Variants in PSD3 observed in about 807,000 individuals in gnomAD.
PSD3 encodes the protein PH and SEC7 domain-containing protein 3.
Under a neutral mutation model 105.5 loss-of-function variants are expected in PSD3, and 49 were observed. That is an observed-to-expected ratio of 0.46 (90% CI 0.37 to 0.59). The LOEUF (loss-of-function observed/expected upper bound fraction) is 0.59. Ranked by LOEUF, PSD3 falls within the 20% of genes least tolerant of loss-of-function variation. The probability of loss-of-function intolerance (pLI) is 0.00; values close to 1 mark genes in which losing one functional copy is unlikely to be tolerated. For synonymous variants in PSD3, 557 were observed against 457.8 expected, an observed-to-expected ratio of 1.22 and a Z score of -2.77; for missense variants, 1,561 against 1,263.8, an observed-to-expected ratio of 1.24 and a Z score of -3.57.
intron 9 of PSD3, among the ~76,000 whole-genome samples, chr8:18,764,150 A>G (rs1346413052): frequency 6.6e-6 from 1 of 152,170 alleles, no homozygotes; most frequent in Non-Finnish European, 1.5e-5. Context: ...AAGCTTCACT[A>G]TGAAAATTTT....
intron 1 of PSD3, among the ~76,000 whole-genome samples, chr8:18,937,303 C>G (rs1260546670): frequency 1.3e-5 from 2 of 152,244 alleles, no homozygotes; most frequent in Non-Finnish European, 1.5e-5. Context: ...ATCACCGGTA[C>G]TGGTTTCTAC....
In PSD3 at chr8:18,872,038, GA is replaced by G; in HGVS notation, c.825del (p.Arg278GlufsTer43). 6.2e-7 allele frequency: 1 copy of G among 1,614,130 alleles called. No individual in the cohort carries two copies. The highest frequency in any genetic ancestry group is 8.5e-7 in the Non-Finnish European group (1 of 1,180,024). On this transcript the variant is annotated frameshift_variant, in exon 3 of 16. Transcript: ENST00000327040. LOFTEE classifies it high-confidence loss of function. ...CATCCCCCTGGGTGCTCTCTCCCAA[GA>G]GCAGACCTCTGCTCTTTCAAGAAAC... ...SVGFLKEQRSALGREHPGGCD... is the reference protein window; with the variant it reads ...SVGFLKEQRSXLGREHPGGCD...
intron 15 of PSD3, among the ~76,000 whole-genome samples, chr8:18,548,225 A>G (rs56941226): frequency 0.051 from 7,760 of 152,206 alleles, 305 homozygotes; most frequent in African/African-American, 0.12. Context: ...TGAGGAATCA[A>G]TGAACTCTTG....
Position 19,037,771 on chromosome 8 carries a change from A to G in PSD3, c.324+46435T>C, listed in dbSNP as rs10095933. ...TGCATCATGGGTTCCTGATTCTCAG[A>G]CCTTCGGACTTGGACTGAATTATAC... is the stretch of plus-strand genomic sequence containing the variant. On this transcript the variant is annotated intron_variant, in intron 1 of 1. Coordinates refer to the PSD3 transcript ENST00000521475. Among the ~76,000 whole-genome samples, 760 of 152,094 alleles carry G rather than the reference A, an allele frequency of 5.0e-3. 9 individuals are homozygous for G. Among genetic ancestry groups the G allele is most frequent in the African/African-American group, 0.018 (736 of 41,480 alleles).
At chr8:18,933,192 A>G (rs1821857089) in intron 2 of PSD3, among the ~76,000 whole-genome samples, 1 of 152,194 alleles carries the variant, frequency 6.6e-6, no homozygotes, top group African/African-American at 2.4e-5. Context: ...ACCAAGGCAA[A>G]TAAGAAACAA....
intron 1 of PSD3, among the ~76,000 whole-genome samples, chr8:18,947,411 A>C (rs1443233828): frequency 6.6e-6 from 1 of 152,204 alleles, no homozygotes; most frequent in Non-Finnish European, 1.5e-5. Flanking sequence ...GGCCTTGTTA[A>C]AAGCCCCTGG....
chr8:18,989,752 C>A (rs1267983695), intron 1 of PSD3, among the ~76,000 whole-genome samples: 3 of 152,190 alleles, frequency 2.0e-5, no homozygotes, highest in African/African-American at 7.2e-5. Context: ...AAGAGCCACC[C>A]TGCAAGTGGG....
intron 9 of PSD3, among the ~76,000 whole-genome samples, chr8:18,741,960 T>C (rs1329480412): frequency 6.6e-5 from 10 of 152,192 alleles, no homozygotes; most frequent in Admixed American, 6.5e-4. Context: ...CAGTAATGTA[T>C]ACTTAAACGA....
chr8:18,803,624 C>G (rs1442866624), intron 6 of PSD3, among the ~76,000 whole-genome samples: 1 of 152,012 alleles, frequency 6.6e-6, no homozygotes, highest in East Asian at 1.9e-4. Context: ...GGAAGACATT[C>G]TGATATATGC....
At chr8:18,807,706 T>C (rs1811324552) in intron 4 of PSD3, among the ~76,000 whole-genome samples, 1 of 152,208 alleles carries the variant, frequency 6.6e-6, no homozygotes, top group African/African-American at 2.4e-5. Context: ...AGTTTCCCAA[T>C]ACACATGCCT....
intron 10 of PSD3, among the ~76,000 whole-genome samples, chr8:18,641,612 C>A (rs1355560584): frequency 6.6e-6 from 1 of 152,068 alleles, no homozygotes; most frequent in African/African-American, 2.4e-5. Flanking sequence ...CACAAGTGTG[C>A]AAAGTTACAA....
intron 9 of PSD3, among the ~76,000 whole-genome samples, chr8:18,756,936 C>A (rs932957622): frequency 3.4e-5 from 5 of 146,666 alleles, no homozygotes; most frequent in South Asian, 4.3e-4. Flanking sequence ...CTAGTGCATT[C>A]CACACGGGCA....
intron 3 of PSD3, among the ~76,000 whole-genome samples, chr8:18,870,119 C>T (rs529925815): frequency 2.6e-5 from 4 of 152,034 alleles, no homozygotes; most frequent in African/African-American, 7.2e-5. Flanking sequence ...AGGATCCTGC[C>T]AGTGATCCCA....
chr8:18,580,757 T>C (rs1802762283), intron 12 of PSD3, among the ~76,000 whole-genome samples: 1 of 152,132 alleles, frequency 6.6e-6, no homozygotes, highest in Non-Finnish European at 1.5e-5. Flanking sequence ...TAAAGGTAAA[T>C]AAATTCAGGT....
At chr8:18,572,505 C>T (rs1197203291) in intron 14 of PSD3, 23 bp downstream of exon 14, 1 of 1,607,680 alleles carries the variant, frequency 6.2e-7, no homozygotes, top group Admixed American at 1.7e-5. Flanking sequence ...TTCCCAAGGT[C>T]AAAGCACTAT....
upstream of PSD3, chr8:19,014,178 C>G (rs1027578846): frequency 6.6e-6 from 1 of 152,416 alleles, no homozygotes; most frequent in Non-Finnish European, 1.5e-5. The surrounding 1 kb of genome is among the most constrained non-coding windows in gnomAD (Gnocchi z 4.9). Flanking sequence ...AGTTGGGCGC[C>G]GTCTCGCCGG....
rs1005137811 is a variant in PSD3, at chr8:18,925,533, C to T, written c.130+10501G>A. On this transcript the variant is annotated intron_variant, in intron 2 of 15. Transcript: ENST00000327040. ...AGGTTGAGCATCCCTAACCAAAAAT[C>T]TAAAATTCAAAATGCTCCAAAATCT... 9.2e-5 allele frequency among the ~76,000 whole-genome samples: 14 copies of T among 152,034 alleles called. No individual in the cohort carries two copies. In the South Asian group the frequency reaches 2.9e-3, roughly 32 times the overall value.
At chr8:18,860,502 T>C (rs973529527) in intron 4 of PSD3, among the ~76,000 whole-genome samples, 1 of 151,162 alleles carries the variant, frequency 6.6e-6, no homozygotes, top group Non-Finnish European at 1.5e-5. Context: ...TAAAGCTAAG[T>C]GCAATAAAAT....
chr8:18,845,002 G>A (rs777842318), intron 4 of PSD3, among the ~76,000 whole-genome samples: 11 of 152,178 alleles, frequency 7.2e-5, no homozygotes, highest in East Asian at 1.9e-4. Flanking sequence ...CTCAAAGCAC[G>A]TCATGGGAGT....
Sources: allele counts gnomAD v4.1 joint callset (sites outside exome capture counted in the v4.1 genomes callset), GRCh38; gene constraint gnomAD v4.1.1; non-coding constraint Gnocchi (gnomAD v3.1); transcripts MANE v1.5; gene names NCBI Gene and HGNC (gene_info 2026-07-23, HGNC 2026-07-21).